Variants in LRRC37A2 observed in about 807,000 individuals in gnomAD.
The protein encoded by LRRC37A2 is leucine rich repeat containing 37 member A2, also known as leucine-rich repeat-containing protein 37A2.
A neutral mutation model predicts 68.8 loss-of-function variants in LRRC37A2; 9 were observed. The ratio of observed to expected loss-of-function variants is 0.13; its 90% CI spans 0.08 to 0.23. The LOEUF is 0.23. LRRC37A2 is among the 10% of genes least tolerant of loss of function. LRRC37A2 has a pLI of 1.00. For missense variants in LRRC37A2, 168 were observed against 950.4 expected (o/e 0.18, Z 10.82); for synonymous variants, 63 against 367.6 (o/e 0.17, Z 9.48).
chr17:46,499,311 CAAAAAAAAA>C, the LRRC37A2 span, among the ~76,000 whole-genome samples: 2 of 60,548 alleles, frequency 3.3e-5, no homozygotes, highest in Non-Finnish European at 5.4e-5. Flanking sequence ...GACTCCAGCT[CAAAAAAAAA>C]AAAAAAAAAA....
At chr17:47,043,224 G>A in the LRRC37A2 span, among the ~76,000 whole-genome samples, 1 of 151,616 alleles carries the variant, frequency 6.6e-6, no homozygotes, top group Non-Finnish European at 1.5e-5. Flanking sequence ...CCAGCATTTT[G>A]GAATAAAAAT....
the LRRC37A2 span, among the ~76,000 whole-genome samples, chr17:46,976,838 A>G: frequency 1.3e-5 from 2 of 152,214 alleles, no homozygotes; most frequent in Admixed American, 6.5e-5. Flanking sequence ...CCACTTATCC[A>G]GGTTGCCTGA....
the LRRC37A2 span, chr17:46,884,922 T>C: frequency 8.6e-6 from 3 of 348,636 alleles, no homozygotes; most frequent in South Asian, 4.2e-5. Context: ...CAGTGAAATT[T>C]GTGAACTCCC....
chr17:46,891,563 C>A, the LRRC37A2 span, among the ~76,000 whole-genome samples: 3 of 152,216 alleles, frequency 2.0e-5, no homozygotes, highest in Non-Finnish European at 4.4e-5. Flanking sequence ...CTCATCTGGG[C>A]CCCTCAAACC....
the LRRC37A2 span, among the ~76,000 whole-genome samples, chr17:46,723,901 C>T: frequency 6.6e-6 from 1 of 152,180 alleles, no homozygotes; most frequent in East Asian, 1.9e-4. Context: ...CAGTCCATTG[C>T]TTATAACCCT....
chr17:46,753,748 A>G, the LRRC37A2 span, among the ~76,000 whole-genome samples: 1 of 152,128 alleles, frequency 6.6e-6, no homozygotes, highest in Admixed American at 6.5e-5. Context: ...AGAGTGGGGC[A>G]CTCAGGCCTG....
the LRRC37A2 span, among the ~76,000 whole-genome samples, chr17:46,496,760 C>T: frequency 7.6e-6 from 1 of 131,470 alleles, no homozygotes; most frequent in East Asian, 2.1e-4. Flanking sequence ...ACTAAAAATA[C>T]AAAAATTAGC....
chr17:46,545,657 T>C (rs1474616004), intron 8 of LRRC37A2, among the ~76,000 whole-genome samples: 4 of 121,500 alleles, frequency 3.3e-5, no homozygotes, highest in Non-Finnish European at 6.4e-5. Context: ...TAGCTGGCAT[T>C]ATTTCATTGA....
chr17:46,998,310 G>A, the LRRC37A2 span, among the ~76,000 whole-genome samples: 1 of 152,232 alleles, frequency 6.6e-6, no homozygotes, highest in African/African-American at 2.4e-5. Flanking sequence ...TGAGTGTGCT[G>A]TGTATGTAGC....
the LRRC37A2 span, among the ~76,000 whole-genome samples, chr17:46,500,775 G>C: frequency 1.1e-3 from 172 of 151,204 alleles, 13 homozygotes; most frequent in African/African-American, 4.0e-3. Flanking sequence ...TTCATCTAAT[G>C]TGTATTAATT....
At chr17:46,929,691 G>T in the LRRC37A2 span, 1 of 719,060 alleles carries the variant, frequency 1.4e-6, no homozygotes, top group Non-Finnish European at 2.6e-6. Context: ...ATTCAGCGTG[G>T]AATGAGTTTT....
At chr17:46,401,509 AC>A in the LRRC37A2 span, among the ~76,000 whole-genome samples, 1 of 95,616 alleles carries the variant, frequency 1.0e-5, no homozygotes, top group African/African-American at 4.3e-5. Context: ...GGTGAAAATG[AC>A]CCTGGGAAAG....
At chr17:46,781,832 T>G in the LRRC37A2 span, among the ~76,000 whole-genome samples, 1 of 152,224 alleles carries the variant, frequency 6.6e-6, no homozygotes, top group African/African-American at 2.4e-5. Context: ...TCTAGTCTAA[T>G]TCCCTCTTCC....
the LRRC37A2 span, among the ~76,000 whole-genome samples, chr17:46,732,089 A>G: frequency 6.6e-6 from 1 of 152,234 alleles, no homozygotes; most frequent in Non-Finnish European, 1.5e-5. Context: ...AATATTGTAG[A>G]AATGCATAGA....
the LRRC37A2 span, among the ~76,000 whole-genome samples, chr17:46,960,147 T>C: frequency 6.6e-6 from 1 of 152,202 alleles, no homozygotes; most frequent in East Asian, 1.9e-4. Context: ...TGGAAAGAGC[T>C]CTCAAAGCTC....
chr17:46,789,415 G>A, the LRRC37A2 span, among the ~76,000 whole-genome samples: 1 of 152,180 alleles, frequency 6.6e-6, no homozygotes, highest in African/African-American at 2.4e-5. Context: ...TCCAACACCA[G>A]CGTGGCAGGA....
the LRRC37A2 span, among the ~76,000 whole-genome samples, chr17:46,804,215 GC>G: frequency 5.9e-5 from 9 of 152,010 alleles, no homozygotes; most frequent in African/African-American, 2.2e-4. Flanking sequence ...AGCCTCCCCA[GC>G]AGCTGGGACT....
At chr17:46,773,702 G>A in the LRRC37A2 span, 4 of 1,610,020 alleles carry the variant, frequency 2.5e-6, no homozygotes, top group South Asian at 4.4e-5. Context: ...TGGCCAGGCT[G>A]TCATCTATGG....
At chr17:46,909,844 G>A in the LRRC37A2 span, 1 of 152,254 alleles carries the variant, frequency 6.6e-6, no homozygotes, top group African/African-American at 2.4e-5. Flanking sequence ...CAGATGGAAT[G>A]CACAAGGTAC....
Sources: gnomAD v4.1 joint callset for allele counts (sites outside exome capture counted in the v4.1 genomes callset) on GRCh38, gnomAD v4.1.1 for gene constraint, MANE v1.5 for transcripts, NCBI Gene and HGNC (gene_info 2026-07-23, HGNC 2026-07-21) for gene names.